DPYSL3: variants seen among roughly 807,000 people sequenced by gnomAD.
DPYSL3 encodes dihydropyrimidinase-related protein 3.
In DPYSL3, 16 loss-of-function variants were observed where a neutral mutation model predicts 66.1. That is an observed-to-expected ratio of 0.24 (90% CI 0.16 to 0.37). DPYSL3 has a LOEUF of 0.37. DPYSL3 is among the 10% of genes least tolerant of loss of function. DPYSL3 has a pLI of 1.00. For synonymous variants in DPYSL3, 338 were observed against 345.1 expected, an observed-to-expected ratio of 0.98 and a Z score of 0.23; for missense variants, 738 against 916.2, an observed-to-expected ratio of 0.81 and a Z score of 2.51.
chr5:147,466,554 G>A (rs1753012597), intron 1 of DPYSL3, among the ~76,000 whole-genome samples: 1 of 152,160 alleles, frequency 6.6e-6, no homozygotes, highest in South Asian at 2.1e-4. Context: ...CTTCAGTTAA[G>A]TGCAGTCAAT....
At chr5:147,502,024 T>A (rs1753619343) in intron 1 of DPYSL3, among the ~76,000 whole-genome samples, 1 of 152,198 alleles carries the variant, frequency 6.6e-6, no homozygotes, top group African/African-American at 2.4e-5. Context: ...CTGTGTGGCT[T>A]ATAAATAATA....
chr5:147,399,520 T>A (rs1758109346), intron 10 of DPYSL3, among the ~76,000 whole-genome samples: 1 of 152,256 alleles, frequency 6.6e-6, no homozygotes, highest in Non-Finnish European at 1.5e-5. Flanking sequence ...TTACATTTAC[T>A]TACTCATTTT....
intron 1 of DPYSL3, among the ~76,000 whole-genome samples, chr5:147,489,340 G>A (rs755239924): frequency 6.6e-6 from 1 of 152,176 alleles, no homozygotes; most frequent in Admixed American, 6.5e-5. Context: ...CTGATGCTTA[G>A]CTGCCACCAT....
At chr5:147,417,978 C>T (rs1232243156) in intron 3 of DPYSL3, among the ~76,000 whole-genome samples, 2 of 152,134 alleles carry the variant, frequency 1.3e-5, no homozygotes, top group African/African-American at 4.8e-5. Context: ...CAGCTTTACC[C>T]ACTGAAGTTT....
At chr5:147,396,244 T>C (rs1757967125) in intron 12 of DPYSL3, among the ~76,000 whole-genome samples, 1 of 152,132 alleles carries the variant, frequency 6.6e-6, no homozygotes, top group African/African-American at 2.4e-5. Flanking sequence ...GAAGTGAGTG[T>C]CTGTGGTCTG....
chr5:147,424,041 G>A (rs1752142362), intron 2 of DPYSL3, among the ~76,000 whole-genome samples: 1 of 152,162 alleles, frequency 6.6e-6, no homozygotes, highest in Admixed American at 6.5e-5. Context: ...AAGCTGTTTT[G>A]AAAGCACACA....
At chr5:147,478,427 A>G (rs1254789031) in intron 1 of DPYSL3, among the ~76,000 whole-genome samples, 1 of 152,236 alleles carries the variant, frequency 6.6e-6, no homozygotes, top group Non-Finnish European at 1.5e-5. Flanking sequence ...TCTAAGAAGT[A>G]TGGTGTAAGA....
At chr5:147,426,000 ACCATCCATCCATCCATCCAT>A (rs375856381) in intron 1 of DPYSL3, among the ~76,000 whole-genome samples, 43 of 150,016 alleles carry the variant, frequency 2.9e-4, no homozygotes, top group African/African-American at 8.1e-4. Flanking sequence ...TTCAACTCCA[ACCATCCATCCATCCATCCAT>A]CCATCCATCC....
At chr5:147,453,700 T>G (rs964691668) in intron 1 of DPYSL3, 9 of 1,343,402 alleles carry the variant, frequency 6.7e-6, no homozygotes, top group Non-Finnish European at 6.7e-6. Context: ...AATGGTGCGC[T>G]GGCCGCGCCG....
At chr5:147,497,045 A>C (rs911688987) in intron 1 of DPYSL3, among the ~76,000 whole-genome samples, 11 of 152,326 alleles carry the variant, frequency 7.2e-5, no homozygotes, top group African/African-American at 2.6e-4. Context: ...TGTGGCACAT[A>C]TACACCACGG....
chr5:147,408,931 A>G (rs762796498), intron 6 of DPYSL3, 135 bp from the exon 7 acceptor site: 31 of 856,722 alleles, frequency 3.6e-5, no homozygotes, highest in Non-Finnish European at 5.2e-5. Flanking sequence ...CTATATTTGG[A>G]GTTGCAATAT....
At chr5:147,439,150 C>A (rs183762249) in intron 1 of DPYSL3, among the ~76,000 whole-genome samples, 1 of 152,178 alleles carries the variant, frequency 6.6e-6, no homozygotes, top group Admixed American at 6.5e-5. Context: ...ACTATTGATA[C>A]AATAGTGAAC....
intron 1 of DPYSL3, among the ~76,000 whole-genome samples, chr5:147,496,965 G>A (rs1332670816): frequency 6.6e-6 from 1 of 152,102 alleles, no homozygotes; most frequent in Non-Finnish European, 1.5e-5. Context: ...GTTTATAGTG[G>A]CACTATTCAC....
chr5:147,493,905 A>G (rs1050857232), intron 1 of DPYSL3, among the ~76,000 whole-genome samples: 9 of 152,216 alleles, frequency 5.9e-5, no homozygotes, highest in African/African-American at 2.2e-4. Flanking sequence ...ATTAAACAAT[A>G]TAACTGGCCA....
In DPYSL3 at chr5:147,424,975, G is replaced by C. The variant is rs1220016224; in HGVS notation, c.382-12C>G. On this transcript the variant is annotated splice_polypyrimidine_tract_variant and intron_variant, in intron 1 of 13. Transcript: ENST00000343218. ...AGGAGACGGTCACTCTAGAAAAGAA[G>C]GAAAACATGAGTTGTTATCACAGGT... 1 of 1,600,830 alleles carries C rather than the reference G, an allele frequency of 6.2e-7. No homozygotes were observed. Among genetic ancestry groups the C allele is most frequent in the Non-Finnish European group, 8.5e-7 (1 of 1,171,120 alleles).
In DPYSL3 at chr5:147,428,415, C is replaced by T. The variant is rs138420852; in HGVS notation, c.382-3452G>A. Among the ~76,000 whole-genome samples, 1,173 of 152,120 alleles carry T rather than the reference C, an allele frequency of 7.7e-3. 14 individuals carry two copies. Among genetic ancestry groups the T allele is most frequent in the Admixed American group, 0.011 (173 of 15,276 alleles). On this transcript the variant is annotated intron_variant, in intron 1 of 13. Transcript: ENST00000343218. ...TGGAAGGGGGATCCACTATAAATGG[C>T]GGCCTAGGCAAATCAGTCATCAACA... is the stretch of plus-strand genomic sequence containing the variant.
chr5:147,497,672 A>G (rs192823764), intron 1 of DPYSL3, among the ~76,000 whole-genome samples: 39 of 151,818 alleles, frequency 2.6e-4, no homozygotes, highest in African/African-American at 8.0e-4. Flanking sequence ...TAGATACTGA[A>G]AAAGCATTTG....
In DPYSL3 at chr5:147,392,892, A is replaced by G. The variant is rs903521310; in HGVS notation, c.*1143T>C. On this transcript the variant is annotated 3_prime_UTR_variant, in exon 14 of 14. Coordinates refer to ENST00000343218, the MANE Select transcript of DPYSL3 (RefSeq NM_001197294.2). The stretch of plus-strand genomic sequence containing the variant: ...CTGACTTTGGCTTTCCCAGTTCCCC[A>G]CTTGACTTTCATATAAGCTGAGATG... The G allele has an allele frequency of 1.3e-5, 2 of 152,228 alleles. No homozygotes were observed. Among genetic ancestry groups the G allele is most frequent in the Non-Finnish European group, 2.9e-5 (2 of 68,044 alleles). 9.4% of individuals were successfully genotyped at this position (152,228 alleles called of 1,614,324 possible). A position where few individuals can be genotyped will look rare whatever the true frequency, so the allele number is the denominator to read the frequency against.
chr5:147,400,241 T>C (rs1758131077), intron 10 of DPYSL3, among the ~76,000 whole-genome samples: 1 of 152,216 alleles, frequency 6.6e-6, no homozygotes, highest in Non-Finnish European at 1.5e-5. Flanking sequence ...CAATCACTTG[T>C]ATCGCCTGAA....
Sources: allele counts gnomAD v4.1 joint callset (sites outside exome capture counted in the v4.1 genomes callset), GRCh38; gene constraint gnomAD v4.1.1; transcripts MANE v1.5; gene names NCBI Gene and HGNC (gene_info 2026-07-23, HGNC 2026-07-21).